The following SCMH1 variants were observed in gnomAD, a reference collection of about 807,000 sequenced individuals.
SCMH1 encodes polycomb protein SCMH1.
Under a neutral mutation model 70.8 loss-of-function variants are expected in SCMH1, and 37 were observed. That is an observed-to-expected ratio of 0.52 (90% confidence interval 0.40 to 0.69). The LOEUF is 0.69. SCMH1 is among the 30% of genes least tolerant of loss of function. The pLI is 0.00. For synonymous variants in SCMH1, 292 were observed against 307.4 expected (o/e 0.95, Z 0.52); for missense variants, 607 against 827.3 (o/e 0.73, Z 3.27).
At chr1:41,143,036 G>T in exon 6 of SCMH1, 1 of 1,614,170 alleles carries the variant, frequency 6.2e-7, no homozygotes, top group South Asian at 1.1e-5. Flanking sequence ...GGCAATACAG[G>T]TGGATGTGGT....
At chr1:41,164,567 A>T (rs917276789) in intron 2 of SCMH1, among the ~76,000 whole-genome samples, 1 of 152,178 alleles carries the variant, frequency 6.6e-6, no homozygotes, top group Non-Finnish European at 1.5e-5. Context: ...ACAGGCGCTC[A>T]TTAAATGTCT....
chr1:41,190,755 A>G (rs1160895001), intron 1 of SCMH1, among the ~76,000 whole-genome samples: 1 of 152,218 alleles, frequency 6.6e-6, no homozygotes, highest in Non-Finnish European at 1.5e-5. Context: ...ATATGGGGAC[A>G]GAAGACATAA....
chr1:41,182,539 A>T (rs912483525), intron 2 of SCMH1, among the ~76,000 whole-genome samples: 1 of 152,140 alleles, frequency 6.6e-6, no homozygotes, highest in African/African-American at 2.4e-5. Flanking sequence ...CAACACAGTG[A>T]GACCTCGTCT....
intron 13 of SCMH1, among the ~76,000 whole-genome samples, chr1:41,029,862 C>G (rs560077758): frequency 4.6e-5 from 7 of 152,230 alleles, no homozygotes; most frequent in African/African-American, 1.7e-4. Flanking sequence ...ACCATTTTCC[C>G]CCATCACACC....
At chr1:41,028,389 C>A in intron 14 of SCMH1, 70 bp from the exon 16 acceptor site, 3 of 1,589,582 alleles carry the variant, frequency 1.9e-6, no homozygotes, top group Non-Finnish European at 2.6e-6. Flanking sequence ...CTGACCACCC[C>A]AGGTTCTGAT....
intron 10 of SCMH1, among the ~76,000 whole-genome samples, chr1:41,062,270 C>T (rs907212342): frequency 1.3e-5 from 2 of 152,050 alleles, no homozygotes; most frequent in African/African-American, 4.8e-5. Flanking sequence ...TTCTAAATAA[C>T]ACATAGGTCA....
At chr1:41,238,633 A>T (rs1662867853) in intron 1 of SCMH1, among the ~76,000 whole-genome samples, 1 of 152,132 alleles carries the variant, frequency 6.6e-6, no homozygotes, top group East Asian at 1.9e-4. Flanking sequence ...CTCTACACAG[A>T]TGACTCATTC....
At chr1:41,216,966 T>C (rs550864526) in intron 1 of SCMH1, among the ~76,000 whole-genome samples, 18 of 152,312 alleles carry the variant, frequency 1.2e-4, no homozygotes, top group Non-Finnish European at 1.9e-4. Context: ...TTCTAGTAGC[T>C]GCCAGGAAAC....
chr1:41,142,311 C>T (rs138303912), intron 6 of SCMH1, among the ~76,000 whole-genome samples: 1 of 152,212 alleles, frequency 6.6e-6, no homozygotes, highest in East Asian at 1.9e-4. Flanking sequence ...ATAAGAAGGG[C>T]TGAATCCCTC....
In SCMH1 at chr1:41,165,457, C is replaced by T. The variant is rs1646349649; in HGVS notation, c.14-4025G>A. On this transcript the variant is annotated intron_variant, in intron 2 of 14. Coordinates refer to ENST00000337495, the Ensembl canonical transcript of SCMH1. ...TTCTATTTTCAGTATTTTGAGGAAC[C>T]TCCATCCTGTTTTTCAAAATGGCTG... Among the ~76,000 whole-genome samples, 3 of 152,082 alleles carry T rather than the reference C, an allele frequency of 2.0e-5. No individual in the cohort carries two copies. In the South Asian group the frequency reaches 6.2e-4, roughly 31 times the overall value.
intron 1 of SCMH1, among the ~76,000 whole-genome samples, chr1:41,202,491 G>C (rs944529256): frequency 2.0e-5 from 3 of 152,106 alleles, no homozygotes; most frequent in African/African-American, 7.2e-5. Flanking sequence ...ACCAGGATTC[G>C]TGGTAGACTT....
intron 6 of SCMH1, among the ~76,000 whole-genome samples, chr1:41,132,481 C>A (rs1642510405): frequency 6.6e-6 from 1 of 152,134 alleles, no homozygotes; most frequent in Non-Finnish European, 1.5e-5. Context: ...AAAATTTCCT[C>A]CTATTCTGTA....
At chr1:41,030,682 C>T (rs1038060599) in intron 13 of SCMH1, among the ~76,000 whole-genome samples, 2 of 152,172 alleles carry the variant, frequency 1.3e-5, no homozygotes, top group African/African-American at 4.8e-5. Flanking sequence ...CCACACAGTA[C>T]ATATCGTTAC....
intron 10 of SCMH1, among the ~76,000 whole-genome samples, chr1:41,068,694 C>T (rs530343824): frequency 2.3e-4 from 35 of 152,258 alleles, no homozygotes; most frequent in African/African-American, 7.7e-4. Flanking sequence ...GCGTGAGCCA[C>T]CATGCTCAGC....
intron 1 of SCMH1, among the ~76,000 whole-genome samples, chr1:41,205,338 C>G (rs61779271): frequency 6.6e-6 from 1 of 152,200 alleles, no homozygotes; most frequent in East Asian, 1.9e-4. Flanking sequence ...CACCTCTGCC[C>G]AAATACTGTG....
rs1644167890 is a variant in SCMH1, at chr1:41,142,301, A to G, written c.412+577T>C. On this transcript the variant is annotated intron_variant, in intron 6 of 14. Transcript: ENST00000337495. Reference sequence around the variant, plus strand: ...CTGTAATAGTGATTGACAGTAACTGATAAGAAGGGCTGAATCCCTCAGATT... The same window carrying G: ...CTGTAATAGTGATTGACAGTAACTGGTAAGAAGGGCTGAATCCCTCAGATT... Among the ~76,000 whole-genome samples the G allele has an allele frequency of 2.6e-5, 4 of 152,186 alleles. 1 individual carries two copies. The South Asian group carries it at 8.3e-4, about 32-fold the overall frequency.
chr1:41,235,224 A>T (rs749967050), intron 1 of SCMH1, among the ~76,000 whole-genome samples: 23 of 152,094 alleles, frequency 1.5e-4, no homozygotes, highest in Non-Finnish European at 3.2e-4. Context: ...AAATTTTATG[A>T]TTCACCCTAA....
intron 2 of SCMH1, among the ~76,000 whole-genome samples, chr1:41,174,529 C>A (rs900842880): frequency 6.6e-6 from 1 of 152,080 alleles, no homozygotes; most frequent in Non-Finnish European, 1.5e-5. Context: ...GGCAGAACTA[C>A]AAATGGGCCA....
intron 8 of SCMH1, among the ~76,000 whole-genome samples, chr1:41,109,672 C>T (rs1484444668): frequency 2.0e-5 from 3 of 152,198 alleles, no homozygotes; most frequent in Non-Finnish European, 2.9e-5. Context: ...TCTCTACCTT[C>T]TGAGCCTGGT....
Sources: gnomAD v4.1 joint callset for allele counts (sites outside exome capture counted in the v4.1 genomes callset) on GRCh38, gnomAD v4.1.1 for gene constraint, MANE v1.5 for transcripts, NCBI Gene and HGNC (gene_info 2026-07-23, HGNC 2026-07-21) for gene names.